CARHSP1: variants seen among roughly 807,000 people sequenced by gnomAD.
CARHSP1 encodes the protein calcium regulated heat stable protein 1.
CARHSP1 carries 14 observed loss-of-function variants against 12.5 expected under a neutral mutation model. The observed-to-expected ratio is 1.12, with a 90% confidence interval of 0.74 to 1.75. The LOEUF (loss-of-function observed/expected upper bound fraction) is 1.75. CARHSP1 is among the 40% of genes most tolerant of loss of function. CARHSP1 has a pLI of 0.00. For missense variants in CARHSP1, 343 were observed against 201.6 expected (o/e 1.70, Z -4.25); for synonymous variants, 161 against 82.0 (o/e 1.96, Z -5.20).
chr16:8,855,238 C>A lies in CARHSP1; in HGVS notation c.370G>T (p.Val124Leu), dbSNP rs149072869. ...GCCAGGTGAGTGATGACGACCTCCA[C>A]GGCCTGCAGCTTCTCATTCTTGGGT... ...IPPKNEKLQA[V>L]EVVITHLAPG... is the part of the protein sequence containing the mutation. Residue 124 changes from valine to leucine, a missense_variant, in exon 4 of 4, where the codon GTG becomes TTG. Transcript: ENST00000311052. The A allele has an allele frequency of 6.2e-6, 10 of 1,613,200 alleles. No homozygotes were observed. Among genetic ancestry groups the A allele is most frequent in the African/African-American group, 2.7e-5 (2 of 74,892 alleles).
At chr16:8,859,148 TC>T (rs2061256291) in intron 2 of CARHSP1, 22 bp downstream of exon 2, 1 of 1,569,394 alleles carries the variant, frequency 6.4e-7, no homozygotes, top group South Asian at 1.2e-5. Flanking sequence ...TGAGAACGCG[TC>T]CCCAGCCTGC....
At chr16:8,859,443 G>A (rs1018923533) in intron 1 of CARHSP1, 108 bp from the exon 2 acceptor site, 36 of 984,608 alleles carry the variant, frequency 3.7e-5, no homozygotes, top group African/African-American at 1.6e-4. Flanking sequence ...CATTCCTCTC[G>A]GGCACCTCAG....
At position 8,856,375 on chromosome 16, in the gene CARHSP1, T is replaced by A. The variant is rs556957272; in HGVS notation, c.282-1049A>T. ...CGTATGGTGAAGAGTGTTTCCCTCT[T>A]TGATCTGGTCACGAGGGAGCTCAGA... On this transcript the variant is annotated intron_variant, in intron 3 of 3. Coordinates refer to ENST00000311052, the MANE Select transcript of CARHSP1 (RefSeq NM_014316.4). Among the ~76,000 whole-genome samples, 46 of 152,334 alleles carry A rather than the reference T, an allele frequency of 3.0e-4. 1 individual carries two copies. Among genetic ancestry groups the A allele is most frequent in the Non-Finnish European group, 5.9e-4 (40 of 68,034 alleles).
chr16:8,860,235 G>A (rs139210842), intron 1 of CARHSP1: 18 of 984,658 alleles, frequency 1.8e-5, no homozygotes, highest in Non-Finnish European at 2.0e-5. Context: ...GAGCCCAAAG[G>A]GAAAGGGAGA....
intron 1 of CARHSP1, chr16:8,860,073 G>A (rs2061301441): frequency 1.1e-6 from 1 of 923,452 alleles, no homozygotes; most frequent in Non-Finnish European, 1.3e-6. Flanking sequence ...CTGGGAGCCA[G>A]ACACCACAGG....
At position 8,857,263 on chromosome 16, in the gene CARHSP1, GTTTTT is replaced by G. The variant is rs756390920; in HGVS notation, c.281+1082_281+1086del. Among the ~76,000 whole-genome samples, 20 of 57,030 alleles carry G rather than the reference GTTTTT, an allele frequency of 3.5e-4. 3 individuals are homozygous for G. The highest frequency in any genetic ancestry group is 8.4e-4 in the Admixed American group (5 of 5,976). The allele number at this position is 57,030 out of a possible 152,430, so 37.4% of individuals were successfully genotyped here. On this transcript the variant is annotated intron_variant, in intron 3 of 3. Coordinates refer to ENST00000311052, the MANE Select transcript of CARHSP1 (RefSeq NM_014316.4). ...TGGCTATGTGATCTTGGGCAGATCT[GTTTTT>G]TTTTTTTTTTTTTTTTTTTTTTTTT... is the stretch of plus-strand genomic sequence containing the variant.
chr16:8,866,399 C>G (rs528313665), intron 1 of CARHSP1: 3 of 980,754 alleles, frequency 3.1e-6, no homozygotes, highest in Non-Finnish European at 3.6e-6. Context: ...CGGGGTGAGA[C>G]TCTAGCAGAG....
At chr16:8,862,896 G>C (rs1567188869) in intron 1 of CARHSP1, among the ~76,000 whole-genome samples, 1 of 152,056 alleles carries the variant, frequency 6.6e-6, no homozygotes, top group Non-Finnish European at 1.5e-5. Flanking sequence ...TGGGTGAATG[G>C]CACAGACCCA....
rs755425332 is a variant in CARHSP1, at chr16:8,858,483, G to A, written c.159-11C>T. ...GAAGCCCGCACCGTCCTGACAGAGAGGGGGAAATGTCAGGGGCCCCATCAG... is the reference window on the plus strand; with the variant it reads ...GAAGCCCGCACCGTCCTGACAGAGAAGGGGAAATGTCAGGGGCCCCATCAG... On this transcript the variant is annotated splice_polypyrimidine_tract_variant and intron_variant, in intron 2 of 3. Coordinates refer to ENST00000311052, the MANE Select transcript of CARHSP1 (RefSeq NM_014316.4). 16 of 1,612,698 alleles carry A rather than the reference G, an allele frequency of 9.9e-6. No individual in the cohort carries two copies. Among genetic ancestry groups the A allele is most frequent in the African/African-American group, 5.3e-5 (4 of 74,874 alleles).
chr16:8,858,244 T>G, intron 3 of CARHSP1, 106 bp downstream of exon 3: 2 of 1,330,840 alleles, frequency 1.5e-6, no homozygotes, highest in South Asian at 2.8e-5. Context: ...GCCCAGCCAT[T>G]CGTCCTCACA....
chr16:8,856,090 T>G (rs965614461), intron 3 of CARHSP1, among the ~76,000 whole-genome samples: 3 of 152,216 alleles, frequency 2.0e-5, no homozygotes, highest in African/African-American at 7.2e-5. Context: ...ATTACAAGCG[T>G]GAGCCACCAC....
At chr16:8,859,475 G>C (rs1443387343) in intron 1 of CARHSP1, 140 bp from the exon 2 acceptor site, 2 of 768,454 alleles carry the variant, frequency 2.6e-6, no homozygotes, top group Non-Finnish European at 4.0e-6. Context: ...CCTTGTCTGG[G>C]AGCACGCCTG....
In CARHSP1 at chr16:8,855,027, C is replaced by A. The variant is rs1246353547; in HGVS notation, c.*137G>T. On this transcript the variant is annotated 3_prime_UTR_variant, in exon 4 of 4. Coordinates refer to ENST00000311052, the MANE Select transcript of CARHSP1 (RefSeq NM_014316.4). ...CCCACACCTGCCCCCCATACCCCTT[C>A]CTCCAGGAGATACTTGAGAGGGACC... 2.9e-4 allele frequency: 148 copies of A among 506,396 alleles called. No homozygotes were observed. Among genetic ancestry groups the A allele is most frequent in the East Asian group, 4.5e-4 (9 of 19,988 alleles). The allele number at this position is 506,396 out of a possible 1,614,324, so 31.4% of individuals were successfully genotyped here. A position where few individuals can be genotyped will look rare whatever the true frequency, so the allele number is the denominator to read the frequency against.
chr16:8,855,103 T>G lies in CARHSP1; in HGVS notation c.*61A>C, dbSNP rs892438541. 8 of 1,410,428 alleles carry G rather than the reference T, an allele frequency of 5.7e-6. No homozygotes were observed. The highest frequency in any genetic ancestry group is 3.8e-4 in the Middle Eastern group (2 of 5,270). The allele number at this position is 1,410,428 out of a possible 1,614,324, so 87.4% of individuals were successfully genotyped here. ...GTGGAAGAATGTCATCTCCAGTGTC[T>G]GCTGCCTCCTCCCTGCAAAGTCTCC... On this transcript the variant is annotated 3_prime_UTR_variant, in exon 4 of 4. Coordinates refer to ENST00000311052, the MANE Select transcript of CARHSP1 (RefSeq NM_014316.4).
intron 1 of CARHSP1, among the ~76,000 whole-genome samples, chr16:8,866,797 T>G (rs2061463218): frequency 6.6e-6 from 1 of 152,010 alleles, no homozygotes; most frequent in African/African-American, 2.4e-5. Flanking sequence ...AGCCCTCCGC[T>G]GGCTAAGGAC....
rs373801670 is a variant in CARHSP1 at position 8,855,270 on chromosome 16, G to T, written c.338C>A (p.Ser113Tyr). ...EGDEVTYKMC[S>Y]IPPKNEKLQA... ...CAGCTTCTCATTCTTGGGTGGGATG[G>T]AGCACATTTTATAGGTGACCTCGTC... The change falls in exon 4 of 4, where the codon TCC (serine) becomes TAC (tyrosine). Residue 113 changes from serine (S) to tyrosine (Y), a missense_variant. Ser to Tyr is a moderately radical substitution (Grantham distance 144). Transcript: ENST00000311052. 2 of 1,612,910 alleles carry T rather than the reference G, an allele frequency of 1.2e-6. No individual in the cohort carries two copies. Among genetic ancestry groups the T allele is most frequent in the Non-Finnish European group, 1.7e-6 (2 of 1,179,316 alleles).
In CARHSP1 at chr16:8,853,702, C is replaced by T. The variant is rs1292723162; in HGVS notation, c.*1462G>A. On this transcript the variant is annotated 3_prime_UTR_variant, in exon 4 of 4. Coordinates refer to ENST00000311052, the MANE Select transcript of CARHSP1 (RefSeq NM_014316.4). The stretch of plus-strand genomic sequence containing the variant: ...GGTCATATATTTCAAAAAATAATGC[C>T]TAGCTATTTCTACTTTGAAATCATG... The T allele has an allele frequency of 6.6e-6, 1 of 152,216 alleles. No homozygotes were observed. The highest frequency in any genetic ancestry group is 1.5e-5 in the Non-Finnish European group (1 of 68,036). The allele number at this position is 152,216 out of a possible 1,614,324, so 9.4% of individuals were successfully genotyped here. A position where few individuals can be genotyped will look rare whatever the true frequency, so the allele number is the denominator to read the frequency against.
intron 1 of CARHSP1, among the ~76,000 whole-genome samples, chr16:8,860,764 G>A (rs892651612): frequency 6.6e-6 from 1 of 152,110 alleles, no homozygotes; most frequent in Admixed American, 6.5e-5. Flanking sequence ...TAGATTTGAA[G>A]CATGGGCCAG....
intron 1 of CARHSP1, 26 bp from the exon 2 acceptor site, chr16:8,859,361 G>A (rs368629066): frequency 6.3e-7 from 1 of 1,586,336 alleles, no homozygotes; most frequent in Non-Finnish European, 8.5e-7. Context: ...GCTGTCAGGG[G>A]CTCGTGCCTT....
Sources: gnomAD v4.1 joint callset for allele counts (sites outside exome capture counted in the v4.1 genomes callset) on GRCh38, gnomAD v4.1.1 for gene constraint, MANE v1.5 for transcripts, NCBI Gene and HGNC (gene_info 2026-07-23, HGNC 2026-07-21) for gene names.